Variants in ZDHHC7 observed in about 807,000 individuals in gnomAD.
The protein encoded by ZDHHC7 is palmitoyltransferase ZDHHC7.
ZDHHC7 carries 12 observed loss-of-function variants against 34.1 expected under a neutral mutation model. The observed-to-expected ratio is 0.35, with a 90% CI of 0.23 to 0.57. The LOEUF is 0.57. Among genes scored for constraint, ZDHHC7 ranks in the 20% least tolerant of loss-of-function variants. The probability of loss-of-function intolerance (pLI) is 0.84; values close to 1 mark genes in which losing one functional copy is unlikely to be tolerated. For missense variants in ZDHHC7, 388 were observed against 402.7 expected (o/e 0.96, Z 0.31); for synonymous variants, 185 against 155.4 (o/e 1.19, Z -1.42).
the ZDHHC7 span, among the ~76,000 whole-genome samples, chr16:85,025,470 G>A: frequency 8.5e-5 from 13 of 152,100 alleles, no homozygotes; most frequent in South Asian, 4.2e-4. Context: ...GTGCAGTGGC[G>A]CGATCTCAGC....
intron 2 of ZDHHC7, among the ~76,000 whole-genome samples, chr16:84,991,790 G>A (rs570284916): frequency 2.6e-4 from 39 of 152,224 alleles, no homozygotes; most frequent in African/African-American, 8.4e-4. Context: ...GAGCCACCAT[G>A]CCCAGCCTTT....
intron 2 of ZDHHC7, among the ~76,000 whole-genome samples, chr16:84,993,227 G>A (rs764492511): frequency 1.3e-5 from 2 of 152,058 alleles, no homozygotes; most frequent in Non-Finnish European, 2.9e-5. Flanking sequence ...AGGCTGAGGG[G>A]GGAAGATTGC....
Position 84,979,301 on chromosome 16 carries a change from T to C in ZDHHC7, c.441-16A>G, listed in dbSNP as rs1220254458. On this transcript the variant is annotated splice_polypyrimidine_tract_variant and intron_variant, in intron 4 of 7. Coordinates refer to ENST00000313732, the MANE Select transcript of ZDHHC7 (RefSeq NM_017740.3). ...TTTGCAAATACTGAAAAGGAGAGTT[T>C]GATTTTTCAGTATTCCATGCTCTGA... is the stretch of plus-strand genomic sequence containing the variant. 1 of 1,606,966 alleles carries C rather than the reference T, an allele frequency of 6.2e-7. No individual in the cohort carries two copies. The highest frequency in any genetic ancestry group is 8.5e-7 in the Non-Finnish European group (1 of 1,178,514).
At chr16:85,015,767 G>A (rs2072831549), upstream of ZDHHC7, among the ~76,000 whole-genome samples, 1 of 151,714 alleles carries the variant, frequency 6.6e-6, no homozygotes, top group Non-Finnish European at 1.5e-5. Context: ...GACTGCTTGA[G>A]CCCAGGAAGT....
At chr16:84,985,225 C>T (rs893269047) in intron 3 of ZDHHC7, among the ~76,000 whole-genome samples, 7 of 152,242 alleles carry the variant, frequency 4.6e-5, no homozygotes, top group African/African-American at 1.7e-4. Context: ...GCCCACATCC[C>T]ACTTCCAGTC....
the ZDHHC7 span, among the ~76,000 whole-genome samples, chr16:85,027,591 GAGA>G: frequency 6.6e-6 from 1 of 152,198 alleles, no homozygotes; most frequent in African/African-American, 2.4e-5. Flanking sequence ...GGGCGTACCC[GAGA>G]GCGCTCCCAC....
chr16:85,016,986 G>C, the ZDHHC7 span, among the ~76,000 whole-genome samples: 7 of 151,294 alleles, frequency 4.6e-5, no homozygotes, highest in African/African-American at 1.7e-4. Context: ...TTATTGCCCA[G>C]GCTGGAGTGG....
chr16:85,004,028 A>T (rs2072686067), intron 1 of ZDHHC7, among the ~76,000 whole-genome samples: 1 of 152,134 alleles, frequency 6.6e-6, no homozygotes, highest in Admixed American at 6.5e-5. Flanking sequence ...CACGAAGTTT[A>T]AACAAAAAAA....
intron 3 of ZDHHC7, among the ~76,000 whole-genome samples, chr16:84,982,398 C>G (rs1400735612): frequency 6.6e-6 from 1 of 150,520 alleles, no homozygotes; most frequent in Non-Finnish European, 1.5e-5. Context: ...TTAAAAAAAA[C>G]TACCTTATTA....
At chr16:85,022,296 G>C in the ZDHHC7 span, among the ~76,000 whole-genome samples, 1 of 152,016 alleles carries the variant, frequency 6.6e-6, no homozygotes, top group Non-Finnish European at 1.5e-5. Context: ...CGAGGCGGTT[G>C]GATCACTTGG....
At chr16:84,988,298 T>C (rs2072463768) in intron 3 of ZDHHC7, among the ~76,000 whole-genome samples, 2 of 152,016 alleles carry the variant, frequency 1.3e-5, no homozygotes, top group South Asian at 4.2e-4. Flanking sequence ...GGGGTTCCTT[T>C]CTGAGGTGAT....
chr16:84,990,858 C>A lies in ZDHHC7; in HGVS notation c.-17-223G>T, dbSNP rs116345424. Among the ~76,000 whole-genome samples the A allele has an allele frequency of 2.7e-3, 256 of 93,552 alleles. 1 individual carries two copies. The highest frequency in any genetic ancestry group is 0.016 in the African/African-American group (232 of 14,500). The allele number at this position is 93,552 out of a possible 152,430, so 61.4% of individuals were successfully genotyped here. Reference sequence around the variant, plus strand: ...AGTCCCACAGTACAGGTTATGCCTACATATACAAAACCTATCTATGGCCAG... The same window carrying A: ...AGTCCCACAGTACAGGTTATGCCTAAATATACAAAACCTATCTATGGCCAG... On this transcript the variant is annotated intron_variant, in intron 2 of 7. Coordinates refer to ENST00000313732, the MANE Select transcript of ZDHHC7 (RefSeq NM_017740.3).
intron 2 of ZDHHC7, among the ~76,000 whole-genome samples, chr16:84,991,386 A>C (rs189435781): frequency 1.1e-4 from 17 of 152,000 alleles, no homozygotes; most frequent in African/African-American, 4.1e-4. Context: ...CCCAGGTTCA[A>C]GTGATTCTCC....
chr16:84,994,767 T>G (rs2072555093), intron 2 of ZDHHC7, among the ~76,000 whole-genome samples: 2 of 152,188 alleles, frequency 1.3e-5, no homozygotes, highest in Non-Finnish European at 2.9e-5. Context: ...AGGGCTTTAG[T>G]GCCATATCTG....
the ZDHHC7 span, among the ~76,000 whole-genome samples, chr16:85,027,066 C>T: frequency 1.7e-3 from 262 of 152,212 alleles, 1 homozygote; most frequent in African/African-American, 5.8e-3. Flanking sequence ...ACTGAATGGC[C>T]TGAACGTTGT....
At chr16:84,989,051 G>A (rs1300887592) in intron 3 of ZDHHC7, among the ~76,000 whole-genome samples, 2 of 152,222 alleles carry the variant, frequency 1.3e-5, no homozygotes, top group Non-Finnish European at 2.9e-5. Flanking sequence ...CCTAGAGGGA[G>A]ACCTGCCGCG....
chr16:84,989,531 A>T (rs2072480283), intron 3 of ZDHHC7, among the ~76,000 whole-genome samples: 1 of 152,066 alleles, frequency 6.6e-6, no homozygotes, highest in Non-Finnish European at 1.5e-5. Flanking sequence ...CCCTGTCTCT[A>T]CTAAATATAC....
Position 85,006,127 on chromosome 16 carries a change from G to A in ZDHHC7, c.-104+5159C>T, listed in dbSNP as rs549795721. On this transcript the variant is annotated intron_variant, in intron 1 of 7. Coordinates refer to ENST00000313732, the MANE Select transcript of ZDHHC7 (RefSeq NM_017740.3). ...ACTTGTAATCCCAGTGCTTTGAGAG[G>A]CAAAGGCAGGAGGAACACTTGAGTT... 1.7e-3 allele frequency among the ~76,000 whole-genome samples: 257 copies of A among 152,234 alleles called. 2 individuals carry two copies. The highest frequency in any genetic ancestry group is 5.9e-3 in the African/African-American group (246 of 41,536).
In ZDHHC7 at chr16:84,976,291, CAAAT is replaced by C. The variant is rs2143529586; in HGVS notation, c.*48_*51del. On this transcript the variant is annotated 3_prime_UTR_variant, in exon 8 of 8. Transcript: ENST00000313732. ...TGAGCTGTTGATATCCTTCAGACCCCAAATAAATAACTGGAAGTCTGTGAGCAAG... is the reference window on the plus strand; with the variant it reads ...TGAGCTGTTGATATCCTTCAGACCCCAAATAACTGGAAGTCTGTGAGCAAG... 2 of 1,605,810 alleles carry C rather than the reference CAAAT, an allele frequency of 1.2e-6. No homozygotes were observed. The highest frequency in any genetic ancestry group is 1.8e-5 in the Admixed American group (1 of 57,022).
Sources: gnomAD v4.1 joint callset for allele counts (sites outside exome capture counted in the v4.1 genomes callset) on GRCh38, gnomAD v4.1.1 for gene constraint, MANE v1.5 for transcripts, NCBI Gene and HGNC (gene_info 2026-07-23, HGNC 2026-07-21) for gene names.